Variants in CFAP221 observed in about 807,000 individuals in gnomAD.
CFAP221 encodes cilia- and flagella-associated protein 221.
In CFAP221, 97 loss-of-function variants were observed where a neutral mutation model predicts 113.1. The observed-to-expected ratio is 0.86, with a 90% CI of 0.73 to 1.02. CFAP221 has a LOEUF of 1.02. Ranked by LOEUF, CFAP221 falls within the 50% of genes least tolerant of loss-of-function variation. CFAP221 has a pLI of 0.00. For synonymous variants in CFAP221, 331 were observed against 354.4 expected (o/e 0.93, Z 0.74); for missense variants, 1,025 against 1,013.4 (o/e 1.01, Z -0.16).
At chr2:119,639,692 A>T (rs1687359954) in intron 20 of CFAP221, 89 bp from the exon 21 acceptor site, 1 of 1,050,664 alleles carries the variant, frequency 9.5e-7, no homozygotes, top group Non-Finnish European at 1.4e-6. Flanking sequence ...TAGCCTTTTA[A>T]GTCTGAAAAA....
intron 7 of CFAP221, among the ~76,000 whole-genome samples, chr2:119,594,273 G>C (rs1357585149): frequency 6.6e-6 from 1 of 150,930 alleles, no homozygotes; most frequent in African/African-American, 2.4e-5. Context: ...GTCTTGCTCT[G>C]TTGCCAGGCT....
chr2:119,649,217 GGT>G (rs1687983445), intron 22 of CFAP221, among the ~76,000 whole-genome samples: 1 of 152,144 alleles, frequency 6.6e-6, no homozygotes, highest in Non-Finnish European at 1.5e-5. Context: ...GGCTTACATA[GGT>G]TTGACTTATG....
intron 16 of CFAP221, among the ~76,000 whole-genome samples, chr2:119,628,051 A>G (rs566506152): frequency 4.6e-5 from 7 of 152,190 alleles, no homozygotes; most frequent in East Asian, 1.9e-4. Flanking sequence ...CCCCCGCCCA[A>G]CTGCCCTGGA....
rs190654240 is a variant in CFAP221 at position 119,638,519 on chromosome 2, G to A, written c.2133+102G>A. The A allele has an allele frequency of 9.6e-4, 1,369 of 1,418,860 alleles. 1 individual carries two copies. Among genetic ancestry groups the A allele is most frequent in the Non-Finnish European group, 1.1e-3 (1,088 of 1,018,734 alleles). The allele number at this position is 1,418,860 out of a possible 1,614,324, so 87.9% of individuals were successfully genotyped here. On this transcript the variant is annotated intron_variant, in intron 20 of 23. Transcript: ENST00000413369. ...GCTGGAATTGCGACAAAGGTTTGCC[G>A]CCACAGCTGCAGAACAAGAATGGTA...
rs998843590 is a variant in CFAP221, at chr2:119,559,950, T to C, written c.350T>C (p.Leu117Ser). Residue 117 changes from leucine to serine, a missense_variant, in exon 5 of 24, where the codon TTG becomes TCG. Leu to Ser is a moderately radical substitution (Grantham distance 145, BLOSUM62 -2). Coordinates refer to ENST00000413369, the MANE Select transcript of CFAP221 (RefSeq NM_001271049.2). ...CAGGAACACCACCTGGTCCCTGGCT[T>C]GTCCCTCACGGTCACCGTTACATTT... Reference protein sequence around the residue: ...VRKEHHLVPGLSLTVTVTFSP... With the variant: ...VRKEHHLVPGSSLTVTVTFSP... 2 of 1,535,762 alleles carry C rather than the reference T, an allele frequency of 1.3e-6. No homozygotes were observed. Among genetic ancestry groups the C allele is most frequent in the African/African-American group, 2.7e-5 (2 of 72,972 alleles).
intron 11 of CFAP221, among the ~76,000 whole-genome samples, chr2:119,607,140 T>A (rs887540633): frequency 1.2e-4 from 19 of 152,312 alleles, no homozygotes; most frequent in African/African-American, 4.3e-4. Context: ...CTAGTCTTTT[T>A]AAAAGTATTT....
At position 119,620,074 on chromosome 2, in the gene CFAP221, A is replaced by G. The variant is rs139299842; in HGVS notation, c.1410+4365A>G. ...TGAAAAGGAATGAACAAAGCCCCCAAGAAATGTGGGACTATATGAAAAGAC... is the reference window on the plus strand; with the variant it reads ...TGAAAAGGAATGAACAAAGCCCCCAGGAAATGTGGGACTATATGAAAAGAC... On this transcript the variant is annotated intron_variant, in intron 14 of 23. Transcript: ENST00000413369. Among the ~76,000 whole-genome samples, 542 of 152,338 alleles carry G rather than the reference A, an allele frequency of 3.6e-3. 5 individuals carry two copies. Among genetic ancestry groups the G allele is most frequent in the African/African-American group, 0.012 (509 of 41,574 alleles).
At chr2:119,625,894 T>C (rs1686274816) in intron 15 of CFAP221, 3 of 551,088 alleles carry the variant, frequency 5.4e-6, no homozygotes, top group Non-Finnish European at 6.4e-6. Flanking sequence ...TTATACTTGC[T>C]GATTGACTGG....
chr2:119,547,711 T>G (rs1680150447), intron 2 of CFAP221, among the ~76,000 whole-genome samples: 1 of 152,146 alleles, frequency 6.6e-6, no homozygotes, highest in African/African-American at 2.4e-5. Context: ...TTGTAGCTGT[T>G]CAGTTTGGCC....
At chr2:119,605,057 T>A (rs905788046) in intron 10 of CFAP221, 70 bp downstream of exon 10, 5 of 1,514,224 alleles carry the variant, frequency 3.3e-6, no homozygotes, top group African/African-American at 1.4e-5. Flanking sequence ...GTCACACTGA[T>A]TACCTATGAA....
chr2:119,633,183 A>G (rs1448253698), intron 19 of CFAP221, among the ~76,000 whole-genome samples: 2 of 152,196 alleles, frequency 1.3e-5, no homozygotes, highest in African/African-American at 2.4e-5. Flanking sequence ...AAAAATTTCA[A>G]TTAGTACCTC....
At chr2:119,620,957 G>T (rs1436562474) in intron 14 of CFAP221, among the ~76,000 whole-genome samples, 1 of 151,576 alleles carries the variant, frequency 6.6e-6, no homozygotes. Context: ...GGGCATGGTG[G>T]CTCATGCCTG....
At chr2:119,659,583 T>G (rs1688549912), downstream of CFAP221, among the ~76,000 whole-genome samples, 1 of 152,298 alleles carries the variant, frequency 6.6e-6, no homozygotes, top group Non-Finnish European at 1.5e-5. Flanking sequence ...AACCATCTCT[T>G]TAGTTTCTGG....
chr2:119,552,124 CT>C (rs1680474110), intron 3 of CFAP221, among the ~76,000 whole-genome samples: 1 of 140,906 alleles, frequency 7.1e-6, no homozygotes, highest in African/African-American at 2.6e-5. Context: ...CAACATAACA[CT>C]TTTGGGTCAC....
chr2:119,566,920 A>T (rs1369901924), intron 6 of CFAP221, among the ~76,000 whole-genome samples: 1 of 152,024 alleles, frequency 6.6e-6, no homozygotes, highest in Non-Finnish European at 1.5e-5. Context: ...CATCTTAACC[A>T]TTTTTATGAC....
chr2:119,551,880 A>G (rs1291020799), intron 3 of CFAP221, among the ~76,000 whole-genome samples: 5 of 152,190 alleles, frequency 3.3e-5, no homozygotes, highest in African/African-American at 7.2e-5. Context: ...ATTCTTTTTT[A>G]TAATAAATGT....
chr2:119,598,127 G>T (rs954862944), intron 7 of CFAP221, among the ~76,000 whole-genome samples: 24 of 152,036 alleles, frequency 1.6e-4, no homozygotes, highest in Admixed American at 2.0e-4. Flanking sequence ...GATCTTTGAA[G>T]AAAAAATTAT....
chr2:119,604,652 A>G lies in CFAP221; in HGVS notation c.792-20A>G. 6.6e-7 allele frequency: 1 copy of G among 1,524,798 alleles called. No homozygotes were observed. Among genetic ancestry groups the G allele is most frequent in the East Asian group, 2.3e-5 (1 of 42,796 alleles). The allele number at this position is 1,524,798 out of a possible 1,614,324, so 94.5% of individuals were successfully genotyped here. A position where few individuals can be genotyped will look rare whatever the true frequency, so the allele number is the denominator to read the frequency against. ...AGTTAATGGCTTATTTACTAATTTA[A>G]CACTTGTTTTAACCTATAGATTAGA... On this transcript the variant is annotated intron_variant, in intron 8 of 23. Coordinates refer to ENST00000413369, the MANE Select transcript of CFAP221 (RefSeq NM_001271049.2).
intron 3 of CFAP221, among the ~76,000 whole-genome samples, chr2:119,552,015 C>T (rs908399873): frequency 3.3e-5 from 5 of 152,020 alleles, no homozygotes; most frequent in Admixed American, 2.0e-4. Context: ...TGCTAAGGGT[C>T]CTGTAGTTTC....
Sources: allele counts gnomAD v4.1 joint callset (sites outside exome capture counted in the v4.1 genomes callset), GRCh38; gene constraint gnomAD v4.1.1; transcripts MANE v1.5; gene names NCBI Gene and HGNC (gene_info 2026-07-23, HGNC 2026-07-21).